Variants in ARNT observed in about 807,000 individuals in gnomAD.
ARNT encodes aryl hydrocarbon receptor nuclear translocator.
ARNT carries 30 observed loss-of-function variants against 105.0 expected under a neutral mutation model. The ratio of observed to expected loss-of-function variants is 0.29; its 90% CI spans 0.21 to 0.39. The LOEUF (loss-of-function observed/expected upper bound fraction) is 0.39, where lower values mean the gene tolerates loss of function less well. ARNT is among the 10% of genes least tolerant of loss of function. The pLI is 1.00. For missense variants in ARNT, 748 were observed against 978.7 expected, an observed-to-expected ratio of 0.76 and a Z score of 3.15; for synonymous variants, 304 against 344.0, an observed-to-expected ratio of 0.88 and a Z score of 1.29.
intron 1 of ARNT, among the ~76,000 whole-genome samples, chr1:150,869,415 T>A (rs1026057229): frequency 1.3e-5 from 2 of 151,996 alleles, no homozygotes; most frequent in Admixed American, 6.5e-5. Flanking sequence ...AGGCGGAGCT[T>A]GCAGTGAGCT....
Position 150,810,452 on chromosome 1 carries a change from G to C in ARNT, c.*1569C>G, listed in dbSNP as rs1654524237. 1 of 222,330 alleles carries C rather than the reference G, an allele frequency of 4.5e-6. No individual in the cohort carries two copies. The highest frequency in any genetic ancestry group is 2.2e-5 in the African/African-American group (1 of 44,654). The allele number at this position is 222,330 out of a possible 1,614,324, so 13.8% of individuals were successfully genotyped here. On this transcript the variant is annotated 3_prime_UTR_variant, in exon 22 of 22. Transcript: ENST00000358595. ...TGCACATAGAATAAAAAAATAAACT[G>C]TCTCCTTTTTTACTCCACTACCTGG...
At chr1:150,814,960 A>C (rs1406535055) in intron 19 of ARNT, among the ~76,000 whole-genome samples, 2 of 152,194 alleles carry the variant, frequency 1.3e-5, no homozygotes, top group African/African-American at 4.8e-5. Flanking sequence ...CTATTTTCTC[A>C]TGAGAGTTCT....
intron 1 of ARNT, among the ~76,000 whole-genome samples, 182 bp from the exon 2 acceptor site, chr1:150,858,642 G>A (rs1012831397): frequency 1.3e-5 from 2 of 148,526 alleles, no homozygotes; most frequent in Non-Finnish European, 1.5e-5. Flanking sequence ...TTGAGACCAG[G>A]TCTCACTCTG....
intron 5 of ARNT, among the ~76,000 whole-genome samples, chr1:150,840,801 G>C (rs762544813): frequency 1.3e-5 from 2 of 152,096 alleles, no homozygotes; most frequent in Non-Finnish European, 2.9e-5. Flanking sequence ...ACTGTTAACA[G>C]GAATAATCCA....
intron 14 of ARNT, among the ~76,000 whole-genome samples, chr1:150,822,419 G>A (rs1657292123): frequency 6.6e-6 from 1 of 152,080 alleles, no homozygotes; most frequent in Non-Finnish European, 1.5e-5. Context: ...CGGTACCTAA[G>A]GTTAAGTTGA....
chr1:150,868,397 A>T (rs1666940939), intron 1 of ARNT, among the ~76,000 whole-genome samples: 1 of 152,184 alleles, frequency 6.6e-6, no homozygotes, highest in South Asian at 2.1e-4. Context: ...AAGATAAGCA[A>T]AAAGGACAAA....
Position 150,825,558 on chromosome 1 carries a change from A to G in ARNT, c.1242+985T>C, listed in dbSNP as rs149540396. Among the ~76,000 whole-genome samples the G allele has an allele frequency of 9.9e-5, 15 of 152,250 alleles. No homozygotes were observed. The East Asian group carries it at 2.9e-3, about 29-fold the overall frequency. On this transcript the variant is annotated intron_variant, in intron 13 of 21. Coordinates refer to ENST00000358595, the MANE Select transcript of ARNT (RefSeq NM_001668.4). ...ATTACGACTCTCACTCATCCATAAA[A>G]GAACAGTCTAGGCTGGGCGCAATGG...
chr1:150,838,223 C>T (rs957055775), intron 6 of ARNT, among the ~76,000 whole-genome samples: 1 of 152,198 alleles, frequency 6.6e-6, no homozygotes, highest in Non-Finnish European at 1.5e-5. Flanking sequence ...CCCAATTATT[C>T]CACACTTCTA....
chr1:150,817,566 G>C, intron 15 of ARNT, 133 bp from the exon 16 acceptor site: 1 of 823,786 alleles, frequency 1.2e-6, no homozygotes, highest in Non-Finnish European at 1.9e-6. Flanking sequence ...CCAACACTTT[G>C]GGAGGCCGAA....
chr1:150,854,813 C>T (rs954575928), intron 2 of ARNT, among the ~76,000 whole-genome samples: 4 of 141,628 alleles, frequency 2.8e-5, no homozygotes, highest in Admixed American at 7.3e-5. Flanking sequence ...GCCAAAATTG[C>T]GCCACTGCAC....
intron 7 of ARNT, among the ~76,000 whole-genome samples, chr1:150,835,548 G>A (rs1400760068): frequency 6.6e-6 from 1 of 152,126 alleles, no homozygotes; most frequent in Non-Finnish European, 1.5e-5. Flanking sequence ...ATTACAGTAA[G>A]CTATGATGTG....
In ARNT at chr1:150,811,785, C is replaced by A; in HGVS notation, c.*236G>T. 3.0e-6 allele frequency: 1 copy of A among 338,786 alleles called. No individual in the cohort carries two copies. 21.0% of individuals were successfully genotyped at this position (338,786 alleles called of 1,614,324 possible). On this transcript the variant is annotated 3_prime_UTR_variant, in exon 22 of 22. Coordinates refer to ENST00000358595, the MANE Select transcript of ARNT (RefSeq NM_001668.4). ...ATAAGGAAAGGTGTTTTAACTTCAC[C>A]CAGCCTCAAATTTTCAGACAGTCCT... is the stretch of plus-strand genomic sequence containing the variant.
intron 1 of ARNT, among the ~76,000 whole-genome samples, chr1:150,870,680 G>C (rs1185145130): frequency 6.6e-6 from 1 of 151,784 alleles, no homozygotes; most frequent in East Asian, 1.9e-4. Context: ...CTAATTTTTT[G>C]TATTTTTTTG....
intron 2 of ARNT, among the ~76,000 whole-genome samples, chr1:150,857,436 C>T (rs1664836026): frequency 6.6e-6 from 1 of 152,182 alleles, no homozygotes; most frequent in Admixed American, 6.5e-5. Flanking sequence ...GCTTATGCTT[C>T]AGCAAATGGT....
At chr1:150,867,023 T>C (rs1387029823) in intron 1 of ARNT, among the ~76,000 whole-genome samples, 2 of 151,982 alleles carry the variant, frequency 1.3e-5, no homozygotes, top group African/African-American at 2.4e-5. Context: ...CTGGCCAACA[T>C]GGTGAAACCC....
intron 19 of ARNT, among the ~76,000 whole-genome samples, 180 bp from the exon 20 acceptor site, chr1:150,814,419 C>G (rs761405554): frequency 6.6e-6 from 1 of 152,068 alleles, no homozygotes; most frequent in Non-Finnish European, 1.5e-5. Context: ...ATTTTTTAGG[C>G]AGCTGAGATA....
intron 1 of ARNT, among the ~76,000 whole-genome samples, chr1:150,873,226 T>A (rs1390045151): frequency 6.6e-6 from 1 of 150,734 alleles, no homozygotes; most frequent in Non-Finnish European, 1.5e-5. Flanking sequence ...GAGGCGGAGC[T>A]TGCAGTGAGC....
At position 150,833,857 on chromosome 1, in the gene ARNT, T is replaced by C. The variant is rs1659785664; in HGVS notation, c.803+681A>G. ...TAACAGGGAAAAAGTAGAGGTTTTGTAGTCAGACTACTATGAATTAAAACA... is the reference window on the plus strand; with the variant it reads ...TAACAGGGAAAAAGTAGAGGTTTTGCAGTCAGACTACTATGAATTAAAACA... On this transcript the variant is annotated intron_variant, in intron 8 of 21. Coordinates refer to ENST00000358595, the MANE Select transcript of ARNT (RefSeq NM_001668.4). Among the ~76,000 whole-genome samples, 3 of 152,020 alleles carry C rather than the reference T, an allele frequency of 2.0e-5. No individual in the cohort carries two copies. The South Asian group carries it at 6.2e-4, about 31-fold the overall frequency.
chr1:150,831,080 T>TA (rs1434739522), intron 10 of ARNT, among the ~76,000 whole-genome samples: 1 of 152,170 alleles, frequency 6.6e-6, no homozygotes, highest in Non-Finnish European at 1.5e-5. Context: ...AACTGAGCTT[T>TA]ATAAAGGTCA....
Sources: gnomAD v4.1 joint callset for allele counts (sites outside exome capture counted in the v4.1 genomes callset) on GRCh38, gnomAD v4.1.1 for gene constraint, MANE v1.5 for transcripts, NCBI Gene and HGNC (gene_info 2026-07-23, HGNC 2026-07-21) for gene names.